The following VDR variants were observed in gnomAD, a reference collection of about 807,000 sequenced individuals.
VDR encodes the protein vitamin D3 receptor.
A neutral mutation model predicts 39.7 loss-of-function variants in VDR; 19 were observed. That is an observed-to-expected ratio of 0.48 (90% CI 0.33 to 0.70). The LOEUF is 0.70. Among genes scored for constraint, VDR ranks in the 30% least tolerant of loss-of-function variants. VDR has a pLI of 0.02. For synonymous variants in VDR, 242 were observed against 215.8 expected, an observed-to-expected ratio of 1.12 and a Z score of -1.07; for missense variants, 442 against 570.5, an observed-to-expected ratio of 0.77 and a Z score of 2.29.
rs17878969 is a variant in VDR at position 47,842,623 on chromosome 12, A to ATTTTTTTTT, written c.*2114_*2122dup. The ATTTTTTTTT allele has an allele frequency of 1.2e-4, 16 of 131,072 alleles. No individual in the cohort carries two copies. Among genetic ancestry groups the ATTTTTTTTT allele is most frequent in the East Asian group, 2.3e-4 (1 of 4,272 alleles). The allele number at this position is 131,072 out of a possible 1,614,324, so 8.1% of individuals were successfully genotyped here. ...CAGGCTTGCGCCACCATGCCCGGCTATTTTTTTTTTTTTTTTTTTTGTATT... is the reference window on the plus strand; with the variant it reads ...CAGGCTTGCGCCACCATGCCCGGCTATTTTTTTTTTTTTTTTTTTTTTTTTTTTTGTATT... On this transcript the variant is annotated 3_prime_UTR_variant, in exon 10 of 10. Transcript: ENST00000549336.
chr12:47,860,898 A>G (rs1945614102), intron 4 of VDR, among the ~76,000 whole-genome samples: 1 of 152,254 alleles, frequency 6.6e-6, no homozygotes, highest in Non-Finnish European at 1.5e-5. Context: ...TGGATGGCAC[A>G]TAAAGAGTTT....
chr12:47,881,205 A>G (rs1165132116), intron 2 of VDR, among the ~76,000 whole-genome samples: 1 of 151,922 alleles, frequency 6.6e-6, no homozygotes, highest in Non-Finnish European at 1.5e-5. Flanking sequence ...AGCAACATGG[A>G]TACAGCTGGA....
chr12:47,887,220 G>A (rs1225266185), intron 1 of VDR, among the ~76,000 whole-genome samples: 1 of 151,400 alleles, frequency 6.6e-6, no homozygotes, highest in African/African-American at 2.4e-5. Context: ...TACTCAGGAG[G>A]CTGAGGCGGG....
chr12:47,865,504 T>G (rs1189201422), intron 3 of VDR, among the ~76,000 whole-genome samples: 1 of 152,034 alleles, frequency 6.6e-6, no homozygotes, highest in Non-Finnish European at 1.5e-5. Context: ...CTGGACCTCC[T>G]GGGTTCAAGT....
intron 2 of VDR, 71 bp downstream of exon 2, chr12:47,882,623 G>GGCCCCGGGGCCCCCC: frequency 3.7e-6 from 2 of 543,274 alleles, no homozygotes; most frequent in Non-Finnish European, 3.2e-6. Flanking sequence ...ACCTTCTTAT[G>GGCCCCGGGGCCCCCC]CCCCTCCCCC....
intron 3 of VDR, among the ~76,000 whole-genome samples, chr12:47,868,373 G>A (rs116039739): frequency 1.3e-3 from 195 of 152,322 alleles, no homozygotes; most frequent in African/African-American, 4.5e-3. Context: ...GGCTATCAGG[G>A]GCTCCTTAGC....
At chr12:47,861,343 C>T (rs1945621503) in intron 4 of VDR, among the ~76,000 whole-genome samples, 1 of 152,260 alleles carries the variant, frequency 6.6e-6, no homozygotes, top group Non-Finnish European at 1.5e-5. Context: ...CATCAAATAG[C>T]AACCTCCATC....
At position 47,856,979 on chromosome 12, in the gene VDR, C is replaced by T. The variant is rs550094395; in HGVS notation, c.583+150G>A. 1.5e-4 allele frequency: 177 copies of T among 1,217,654 alleles called. No individual in the cohort carries two copies. The Middle Eastern group carries it at 2.7e-3, about 18-fold the overall frequency. 75.4% of individuals were successfully genotyped at this position (1,217,654 alleles called of 1,614,324 possible). ...GTCACCCCTTTCTGTAACAGAGGGG[C>T]TGTTGTGAAGACGCTGCATAGCGCA... is the stretch of plus-strand genomic sequence containing the variant. On this transcript the variant is annotated intron_variant, in intron 6 of 9. Coordinates refer to ENST00000549336, the MANE Select transcript of VDR (RefSeq NM_000376.3).
rs544857280 is a variant in VDR, at chr12:47,885,012, T to A, written c.-83-2238A>T. 3.0e-4 allele frequency among the ~76,000 whole-genome samples: 46 copies of A among 152,108 alleles called. No individual in the cohort carries two copies. In the South Asian group the frequency reaches 9.1e-3, roughly 30 times the overall value. On this transcript the variant is annotated intron_variant, in intron 1 of 9. Coordinates refer to ENST00000549336, the MANE Select transcript of VDR (RefSeq NM_000376.3). ...AGGAAAGTGGGGCAAAGACATAAGG[T>A]GGAAAGGAGGACAGGTGGAAAAACT... is the stretch of plus-strand genomic sequence containing the variant.
chr12:47,881,117 T>C (rs538655465), intron 2 of VDR, among the ~76,000 whole-genome samples: 10 of 122,838 alleles, frequency 8.1e-5, no homozygotes, highest in East Asian at 7.4e-4. Context: ...TATATATATA[T>C]ATACACACAC....
chr12:47,852,881 A>G (rs1343250187), intron 7 of VDR, among the ~76,000 whole-genome samples: 2 of 152,214 alleles, frequency 1.3e-5, no homozygotes, highest in Non-Finnish European at 1.5e-5. Context: ...CGGCAATGTT[A>G]ACTCATTTTC....
chr12:47,880,146 T>C (rs1320743191), intron 2 of VDR, among the ~76,000 whole-genome samples: 3 of 152,148 alleles, frequency 2.0e-5, no homozygotes, highest in Non-Finnish European at 4.4e-5. Flanking sequence ...AAAGGGTCAT[T>C]ACAGGTTTCA....
chr12:47,882,628 T>TGCCCCCCCCCCCCC, intron 2 of VDR, 66 bp downstream of exon 2: 1 of 187,186 alleles, frequency 5.3e-6, no homozygotes, highest in Non-Finnish European at 9.9e-6. Context: ...CTTATGCCCC[T>TGCCCCCCCCCCCCC]CCCCCCCACC....
At chr12:47,896,394 G>A (rs1946465279) in intron 1 of VDR, among the ~76,000 whole-genome samples, 1 of 152,128 alleles carries the variant, frequency 6.6e-6, no homozygotes, top group South Asian at 2.1e-4. Flanking sequence ...TCTGTGACAT[G>A]TTAGTTATTG....
intron 1 of VDR, 148 bp from the exon 2 acceptor site, chr12:47,882,922 C>T (rs1946185373): frequency 3.3e-6 from 2 of 598,566 alleles, no homozygotes; most frequent in Non-Finnish European, 2.8e-6. Context: ...TGGGAGCAGG[C>T]ATGCCATGTC....
chr12:47,881,149 C>T (rs373979391), intron 2 of VDR, among the ~76,000 whole-genome samples: 21 of 151,184 alleles, frequency 1.4e-4, no homozygotes, highest in South Asian at 4.2e-4. Context: ...TTTTTACACA[C>T]GTATACTGTC....
chr12:47,885,437 T>C (rs996423845), intron 1 of VDR, among the ~76,000 whole-genome samples: 2 of 152,248 alleles, frequency 1.3e-5, no homozygotes, highest in African/African-American at 4.8e-5. Context: ...TTCTGTTAAA[T>C]GGGCATCCCC....
In VDR at chr12:47,879,084, C is replaced by T. The variant is rs1946079684; in HGVS notation, c.30G>A (p.Leu10=). ...TCCGGTCAAAGTCTCCAGGGTCAGG[C>T]AGGGAAGTGCTGGCCGCCATTGCCT... is the stretch of plus-strand genomic sequence containing the variant. MEAMAASTS[L]PDPGDFDRNV... Residue 10 remains leucine, a synonymous_variant, in exon 3 of 10, where the codon CTG becomes CTA. Transcript: ENST00000549336. The T allele has an allele frequency of 6.2e-7, 1 of 1,613,970 alleles. No individual in the cohort carries two copies. Among genetic ancestry groups the T allele is most frequent in the Admixed American group, 1.7e-5 (1 of 59,990 alleles).
chr12:47,899,742 G>C (rs1354436950), intron 1 of VDR: 17 of 273,192 alleles, frequency 6.2e-5, no homozygotes, highest in Non-Finnish European at 9.5e-5. Context: ...TAAAGCAGTG[G>C]TTACAGGCTG....
Sources: gnomAD v4.1 joint callset for allele counts (sites outside exome capture counted in the v4.1 genomes callset) on GRCh38, gnomAD v4.1.1 for gene constraint, MANE v1.5 for transcripts, NCBI Gene and HGNC (gene_info 2026-07-23, HGNC 2026-07-21) for gene names.